Variants in PTPRD observed in about 807,000 individuals in gnomAD.
PTPRD encodes the protein receptor-type tyrosine-protein phosphatase delta.
In PTPRD, 34 loss-of-function variants were observed where a neutral mutation model predicts 214.5. The observed-to-expected ratio is 0.16, with a 90% CI of 0.12 to 0.21. The LOEUF (loss-of-function observed/expected upper bound fraction) is 0.21. Ranked by LOEUF, PTPRD falls within the 10% of genes least tolerant of loss-of-function variation. The probability of loss-of-function intolerance (pLI) is 1.00; values close to 1 mark genes in which losing one functional copy is unlikely to be tolerated. For missense variants in PTPRD, 2,545 were observed against 2,398.7 expected, an observed-to-expected ratio of 1.06 and a Z score of -1.27; for synonymous variants, 1,128 against 845.7, an observed-to-expected ratio of 1.33 and a Z score of -5.79.
At chr9:9,178,753 G>A (rs1043367541) in intron 10 of PTPRD, among the ~76,000 whole-genome samples, 5 of 152,016 alleles carry the variant, frequency 3.3e-5, no homozygotes, top group African/African-American at 4.8e-5. Context: ...TTTAAATGCT[G>A]TATATATAGT....
chr9:9,577,983 T>C (rs2089496792), intron 7 of PTPRD, among the ~76,000 whole-genome samples: 1 of 139,212 alleles, frequency 7.2e-6, no homozygotes, highest in Admixed American at 7.9e-5. Flanking sequence ...GAGGCAGAGG[T>C]TGCAGTGAGC....
In PTPRD at chr9:8,874,608, ACTCTTAT is replaced by A. The variant is rs1243541262; in HGVS notation, c.-103-140669_-103-140663del. ...ACTTGGTTACCTTGTTCTCCTAATG[ACTCTTAT>A]CTCTTCCCTAATTTATCATAATGGA... is the stretch of plus-strand genomic sequence containing the variant. On this transcript the variant is annotated intron_variant, in intron 11 of 45. Coordinates refer to ENST00000381196, the MANE Select transcript of PTPRD (RefSeq NM_002839.4). Among the ~76,000 whole-genome samples the A allele has an allele frequency of 7.2e-5, 11 of 152,108 alleles. No homozygotes were observed. The East Asian group carries it at 2.1e-3, about 29-fold the overall frequency.
intron 2 of PTPRD, among the ~76,000 whole-genome samples, chr9:10,394,735 G>A (rs559632397): frequency 2.0e-5 from 3 of 151,628 alleles, no homozygotes; most frequent in African/African-American, 7.2e-5. Context: ...AATGTACAAT[G>A]ATTTAAAATA....
At chr9:10,223,367 T>C (rs544082791) in intron 3 of PTPRD, among the ~76,000 whole-genome samples, 15 of 152,102 alleles carry the variant, frequency 9.9e-5, no homozygotes, top group Middle Eastern at 3.4e-3. Flanking sequence ...TAAGTAGTTA[T>C]TAAAGTAGTT....
intron 11 of PTPRD, among the ~76,000 whole-genome samples, chr9:8,942,689 C>T (rs927254255): frequency 2.0e-5 from 3 of 151,600 alleles, no homozygotes; most frequent in African/African-American, 7.3e-5. Context: ...AAGAAAAAAA[C>T]ATCAGAATGC....
intron 3 of PTPRD, among the ~76,000 whole-genome samples, chr9:10,208,102 AC>A: frequency 6.6e-6 from 1 of 152,248 alleles, no homozygotes; most frequent in East Asian, 1.9e-4. Context: ...AGGAGTAACA[AC>A]AACAAAACCT....
intron 9 of PTPRD, among the ~76,000 whole-genome samples, chr9:9,223,526 A>G (rs888293582): frequency 5.3e-5 from 8 of 152,036 alleles, no homozygotes; most frequent in Non-Finnish European, 8.8e-5. Flanking sequence ...ATTGTAAAAT[A>G]AACTAGGTAT....
chr9:10,472,795 A>G (rs2099039686), intron 2 of PTPRD, among the ~76,000 whole-genome samples: 2 of 152,098 alleles, frequency 1.3e-5, no homozygotes. Flanking sequence ...CTGATATAGC[A>G]AACCTAAATC....
intron 14 of PTPRD, among the ~76,000 whole-genome samples, chr9:8,579,748 G>A (rs2092863728): frequency 6.6e-6 from 1 of 152,232 alleles, no homozygotes; most frequent in Non-Finnish European, 1.5e-5. Context: ...TTTATCAGGT[G>A]TTGTAAACAG....
At chr9:8,792,964 G>A (rs2096283912) in intron 11 of PTPRD, among the ~76,000 whole-genome samples, 1 of 152,034 alleles carries the variant, frequency 6.6e-6, no homozygotes, top group South Asian at 2.1e-4. Flanking sequence ...ACATTTCAAG[G>A]GATCAGTAGG....
chr9:9,637,775 C>T (rs1236432247), intron 7 of PTPRD, among the ~76,000 whole-genome samples: 2 of 152,156 alleles, frequency 1.3e-5, no homozygotes, highest in African/African-American at 4.8e-5. Context: ...AGCCCAGATC[C>T]CACAGTTCTG....
chr9:9,886,162 G>C (rs1249064142), intron 5 of PTPRD, among the ~76,000 whole-genome samples: 2 of 152,040 alleles, frequency 1.3e-5, no homozygotes, highest in South Asian at 4.1e-4. Context: ...AGAGACATCA[G>C]AGGACAACTC....
chr9:10,060,848 C>T (rs543645065), intron 3 of PTPRD, among the ~76,000 whole-genome samples: 18 of 111,268 alleles, frequency 1.6e-4, no homozygotes, highest in Non-Finnish European at 2.0e-4. Context: ...TCCTTCCTTT[C>T]CTTTCTTTCT....
At chr9:8,458,516 C>G (rs1248640409) in intron 33 of PTPRD, among the ~76,000 whole-genome samples, 1 of 152,040 alleles carries the variant, frequency 6.6e-6, no homozygotes, top group Non-Finnish European at 1.5e-5. Context: ...TTGACCTACT[C>G]CCATAGTAGT....
Position 10,383,720 on chromosome 9 carries a change from A to G in PTPRD, c.-599-42703T>C, listed in dbSNP as rs576489466. 5.3e-5 allele frequency among the ~76,000 whole-genome samples: 8 copies of G among 151,928 alleles called. No homozygotes were observed. In the East Asian group the frequency reaches 7.8e-4, roughly 15 times the overall value. ...AAATGACAAGATAGAATCTCTAGCAATAAGATTTTGGGTCATCGTCATCCT... is the reference window on the plus strand; with the variant it reads ...AAATGACAAGATAGAATCTCTAGCAGTAAGATTTTGGGTCATCGTCATCCT... On this transcript the variant is annotated intron_variant, in intron 2 of 45. Transcript: ENST00000381196.
At chr9:10,562,825 G>T (rs748501546) in intron 2 of PTPRD, among the ~76,000 whole-genome samples, 5 of 152,028 alleles carry the variant, frequency 3.3e-5, no homozygotes, top group Admixed American at 1.3e-4. Context: ...GCACATTGGA[G>T]ACTTAGAGTC....
At chr9:8,785,079 G>C (rs971999490) in intron 11 of PTPRD, among the ~76,000 whole-genome samples, 5 of 152,186 alleles carry the variant, frequency 3.3e-5, no homozygotes, top group African/African-American at 1.2e-4. Context: ...TAACAGCTGG[G>C]CTCCTTATGA....
At chr9:9,620,030 T>C (rs2095149660) in intron 7 of PTPRD, among the ~76,000 whole-genome samples, 1 of 151,814 alleles carries the variant, frequency 6.6e-6, no homozygotes, top group African/African-American at 2.4e-5. Flanking sequence ...TTGTTTTCAG[T>C]ATGTAGAATG....
At chr9:9,131,452 A>G (rs1592133479) in intron 10 of PTPRD, among the ~76,000 whole-genome samples, 1 of 152,184 alleles carries the variant, frequency 6.6e-6, no homozygotes, top group Admixed American at 6.5e-5. Flanking sequence ...GAGTTCAAAT[A>G]ATAATATCCC....
Sources: allele counts gnomAD v4.1 joint callset (sites outside exome capture counted in the v4.1 genomes callset), GRCh38; gene constraint gnomAD v4.1.1; transcripts MANE v1.5; gene names NCBI Gene and HGNC (gene_info 2026-07-23, HGNC 2026-07-21).